GLIS3: variants seen among roughly 807,000 people sequenced by gnomAD.
GLIS3 encodes the protein zinc finger protein GLIS3.
A neutral mutation model predicts 78.6 loss-of-function variants in GLIS3; 53 were observed. The ratio of observed to expected loss-of-function variants is 0.67; its 90% CI spans 0.54 to 0.85. The LOEUF (loss-of-function observed/expected upper bound fraction) is 0.85. Ranked by LOEUF, GLIS3 falls within the 40% of genes least tolerant of loss-of-function variation. GLIS3 has a pLI of 0.00. For synonymous variants in GLIS3, 684 were observed against 509.9 expected (o/e 1.34, Z -4.60); for missense variants, 1,703 against 1,231.1 (o/e 1.38, Z -5.74).
intron 2 of GLIS3, among the ~76,000 whole-genome samples, chr9:4,210,958 G>A (rs773573433): frequency 5.3e-5 from 8 of 152,098 alleles, no homozygotes; most frequent in South Asian, 2.1e-4. Context: ...CATCCTCTGC[G>A]CAGAGTTTCC....
the GLIS3 span, among the ~76,000 whole-genome samples, chr9:4,396,355 C>G: frequency 6.6e-6 from 1 of 151,862 alleles, no homozygotes; most frequent in African/African-American, 2.4e-5. Flanking sequence ...ATCTCGAACT[C>G]CTGACTCAAG....
the GLIS3 span, among the ~76,000 whole-genome samples, chr9:4,373,803 G>A: frequency 1.3e-5 from 2 of 151,848 alleles, no homozygotes; most frequent in African/African-American, 4.8e-5. Flanking sequence ...GAGTAGCTGG[G>A]ATTACAGATG....
At chr9:4,173,257 A>C (rs552664123) in intron 2 of GLIS3, among the ~76,000 whole-genome samples, 2 of 152,220 alleles carry the variant, frequency 1.3e-5, no homozygotes, top group African/African-American at 4.8e-5. Context: ...GCTACATTTC[A>C]GTAAAAGCTC....
chr9:4,235,142 T>TA (rs1015962043), intron 2 of GLIS3, among the ~76,000 whole-genome samples: 19 of 151,342 alleles, frequency 1.3e-4, no homozygotes, highest in African/African-American at 3.9e-4. Flanking sequence ...ACTAAAAATT[T>TA]AAAAAAAATC....
intron 2 of GLIS3, among the ~76,000 whole-genome samples, chr9:4,210,436 C>T (rs185892501): frequency 1.3e-5 from 2 of 152,244 alleles, no homozygotes; most frequent in African/African-American, 4.8e-5. Flanking sequence ...ATTGCCAATC[C>T]GAAAACAGGG....
At chr9:4,453,695 G>T in the GLIS3 span, among the ~76,000 whole-genome samples, 1 of 152,168 alleles carries the variant, frequency 6.6e-6, no homozygotes, top group African/African-American at 2.4e-5. Flanking sequence ...CATGTCCTTT[G>T]CAGGGACATG....
intron 9 of GLIS3, among the ~76,000 whole-genome samples, chr9:3,847,032 A>G (rs1819091209): frequency 6.6e-6 from 1 of 152,056 alleles, no homozygotes; most frequent in Non-Finnish European, 1.5e-5. Context: ...AAAAATATAA[A>G]AATTAGCCAG....
chr9:4,052,446 T>C (rs1825810278), intron 4 of GLIS3, among the ~76,000 whole-genome samples: 1 of 152,172 alleles, frequency 6.6e-6, no homozygotes, highest in South Asian at 2.1e-4. Context: ...AACATTTTCA[T>C]TACCCTGAAA....
intron 2 of GLIS3, among the ~76,000 whole-genome samples, chr9:4,207,358 G>A (rs972925339): frequency 6.6e-6 from 1 of 152,188 alleles, no homozygotes; most frequent in Non-Finnish European, 1.5e-5. Context: ...TTTCCATTCA[G>A]CCCAAGGCAA....
chr9:4,174,892 G>C (rs1289080854), intron 2 of GLIS3, among the ~76,000 whole-genome samples: 1 of 152,162 alleles, frequency 6.6e-6, no homozygotes, highest in African/African-American at 2.4e-5. Flanking sequence ...CAACACGCCT[G>C]CAAGAATCTA....
chr9:3,901,201 G>T (rs1415156832), intron 6 of GLIS3: 2 of 168,562 alleles, frequency 1.2e-5, no homozygotes, highest in African/African-American at 2.4e-5. Flanking sequence ...TCCCTTTTCA[G>T]ACTCAGCCCG....
chr9:4,227,396 C>A (rs952411345), intron 2 of GLIS3, among the ~76,000 whole-genome samples: 2 of 151,780 alleles, frequency 1.3e-5, no homozygotes, highest in Admixed American at 6.6e-5. Context: ...GGTTTTAAAG[C>A]AGGACTTATG....
the GLIS3 span, among the ~76,000 whole-genome samples, chr9:4,401,063 C>A: frequency 6.6e-6 from 1 of 152,226 alleles, no homozygotes; most frequent in African/African-American, 2.4e-5. Context: ...TGTCTTGCAC[C>A]TTAGGCACCA....
At chr9:4,389,458 G>A in the GLIS3 span, among the ~76,000 whole-genome samples, 8 of 152,146 alleles carry the variant, frequency 5.3e-5, no homozygotes, top group African/African-American at 9.7e-5. Flanking sequence ...ATAGAGCCAC[G>A]TGGGACTTCC....
At chr9:4,054,617 T>A in intron 4 of GLIS3, 1 of 328,834 alleles carries the variant, frequency 3.0e-6, no homozygotes, top group Non-Finnish European at 4.3e-6. Flanking sequence ...AAAGATCTAA[T>A]TGTCATTCTT....
At chr9:4,450,391 T>G in the GLIS3 span, among the ~76,000 whole-genome samples, 1 of 152,142 alleles carries the variant, frequency 6.6e-6, no homozygotes, top group East Asian at 1.9e-4. Context: ...CTGAAAGTGA[T>G]GGGGAGAATG....
At chr9:4,245,504 A>C (rs891924953) in intron 2 of GLIS3, among the ~76,000 whole-genome samples, 1 of 152,270 alleles carries the variant, frequency 6.6e-6, no homozygotes, top group African/African-American at 2.4e-5. Context: ...AGACAATATT[A>C]GAAAGGCAAT....
chr9:4,062,396 T>C (rs543291888), intron 4 of GLIS3, among the ~76,000 whole-genome samples: 14 of 152,334 alleles, frequency 9.2e-5, no homozygotes, highest in African/African-American at 3.4e-4. Flanking sequence ...TGTACCCCAG[T>C]TGCTGCTACA....
At chr9:3,922,180 T>C (rs1205089534) in intron 6 of GLIS3, among the ~76,000 whole-genome samples, 1 of 152,174 alleles carries the variant, frequency 6.6e-6, no homozygotes, top group Non-Finnish European at 1.5e-5. Flanking sequence ...AATAGAAAGT[T>C]GGTTAAGTGA....
Sources: allele counts gnomAD v4.1 joint callset (sites outside exome capture counted in the v4.1 genomes callset), GRCh38; gene constraint gnomAD v4.1.1; transcripts MANE v1.5; gene names NCBI Gene and HGNC (gene_info 2026-07-23, HGNC 2026-07-21).